The following FRRS1 variants were observed in gnomAD, a reference collection of about 807,000 sequenced individuals.
FRRS1 encodes ferric chelate reductase 1, also known as ferric reductase 1.
Under a neutral mutation model 70.7 loss-of-function variants are expected in FRRS1, and 51 were observed. The ratio of observed to expected loss-of-function variants is 0.72; its 90% CI spans 0.58 to 0.91. FRRS1 has a LOEUF of 0.91. Ranked by LOEUF, FRRS1 falls within the 40% of genes least tolerant of loss-of-function variation. FRRS1 has a pLI of 0.00. For missense variants in FRRS1, 672 were observed against 726.0 expected (o/e 0.93, Z 0.86); for synonymous variants, 225 against 238.7 (o/e 0.94, Z 0.53).
At chr1:99,762,783 A>G (rs894778978) in intron 1 of FRRS1, among the ~76,000 whole-genome samples, 8 of 152,320 alleles carry the variant, frequency 5.3e-5, no homozygotes, top group Non-Finnish European at 1.0e-4. Context: ...ATTGGATTCC[A>G]AACACTCTTT....
intron 8 of FRRS1, 55 bp from the exon 9 acceptor site, chr1:99,728,695 A>T: frequency 6.6e-7 from 1 of 1,520,900 alleles, no homozygotes; most frequent in Non-Finnish European, 9.1e-7. Context: ...TGCTAAAAAT[A>T]AGATATGATC....
chr1:99,759,759 C>T (rs1305007902), intron 1 of FRRS1, among the ~76,000 whole-genome samples: 1 of 152,124 alleles, frequency 6.6e-6, no homozygotes, highest in Non-Finnish European at 1.5e-5. Context: ...TCAGTGATGA[C>T]CCGGCAGTTA....
intron 9 of FRRS1, among the ~76,000 whole-genome samples, chr1:99,723,439 C>T (rs1654934381): frequency 6.6e-6 from 1 of 152,038 alleles, no homozygotes; most frequent in Non-Finnish European, 1.5e-5. Flanking sequence ...ATGGCTTGAG[C>T]CCAGGAGGTC....
Position 99,712,440 on chromosome 1 carries a change from T to C in FRRS1, c.1399A>G (p.Arg467Gly), listed in dbSNP as rs768745745. The C allele has an allele frequency of 5.6e-6, 9 of 1,612,594 alleles. No individual in the cohort carries two copies. The highest frequency in any genetic ancestry group is 7.6e-6 in the Non-Finnish European group (9 of 1,178,952). ...TACCTTGGGTCATGTAAAGGTGGCC[T>C]GAAGACTGCCAGAAGAGGCTGAAGA... Reference protein sequence around the residue: ...AVLQPLLAVFRPPLHDPRRQM... With the variant: ...AVLQPLLAVFGPPLHDPRRQM... Residue 467 changes from arginine to glycine, a missense_variant, in exon 13 of 17, where the codon AGG (arginine) becomes GGG (glycine). Arg to Gly is a moderately radical substitution (Grantham distance 125). Coordinates refer to ENST00000646001, the MANE Select transcript of FRRS1 (RefSeq NM_001361041.2).
At chr1:99,740,368 G>A (rs1655897193) in intron 6 of FRRS1, among the ~76,000 whole-genome samples, 1 of 152,146 alleles carries the variant, frequency 6.6e-6, no homozygotes, top group South Asian at 2.1e-4. Context: ...AGGTTGCAAT[G>A]AAGGCTTCCT....
intron 5 of FRRS1, among the ~76,000 whole-genome samples, chr1:99,741,267 T>C (rs61782990): frequency 0.062 from 9,378 of 152,314 alleles, 400 homozygotes; most frequent in Non-Finnish European, 0.089. Context: ...TACAAGTCAT[T>C]TCAGAGTGCA....
At chr1:99,726,907 G>A (rs1245646855) in intron 9 of FRRS1, among the ~76,000 whole-genome samples, 1 of 152,052 alleles carries the variant, frequency 6.6e-6, no homozygotes, top group Non-Finnish European at 1.5e-5. Context: ...TTTTTGAATA[G>A]AGACTTGGTT....
intron 5 of FRRS1, among the ~76,000 whole-genome samples, 164 bp from the exon 6 acceptor site, chr1:99,741,104 C>T (rs1390270139): frequency 1.3e-5 from 2 of 152,174 alleles, no homozygotes; most frequent in Admixed American, 6.5e-5. Context: ...CACTCTCTCC[C>T]ACCCGATCAC....
chr1:99,730,570 A>T (rs1342751251), intron 7 of FRRS1, among the ~76,000 whole-genome samples: 6 of 152,234 alleles, frequency 3.9e-5, no homozygotes, highest in East Asian at 1.9e-4. Flanking sequence ...AAAATTTTTT[A>T]AAAATCAGCC....
rs1428064035 is a variant in FRRS1 at position 99,719,648 on chromosome 1, C to T, written c.1007-1G>A. On this transcript the variant is annotated splice_acceptor_variant, in intron 9 of 16. Transcript: ENST00000646001. LOFTEE classifies it high-confidence loss of function. ...TGCTGAGAGTGCTTGTAAATTCGACCTGCAAATTAAAAACAAAATTAAACA... is the reference window on the plus strand; with the variant it reads ...TGCTGAGAGTGCTTGTAAATTCGACTTGCAAATTAAAAACAAAATTAAACA... 3 of 1,509,056 alleles carry T rather than the reference C, an allele frequency of 2.0e-6. No homozygotes were observed. Among genetic ancestry groups the T allele is most frequent in the Non-Finnish European group, 2.8e-6 (3 of 1,089,718 alleles). 93.5% of individuals were successfully genotyped at this position (1,509,056 alleles called of 1,614,324 possible). A position where few individuals can be genotyped will look rare whatever the true frequency, so the allele number is the denominator to read the frequency against.
intron 9 of FRRS1, 46 bp from the exon 10 acceptor site, chr1:99,719,693 C>T (rs1393487337): frequency 1.9e-6 from 2 of 1,037,208 alleles, no homozygotes; most frequent in African/African-American, 1.6e-5. Context: ...ATAATTACTT[C>T]CTCAAATAAA....
chr1:99,743,601 C>T (rs1383069271), intron 4 of FRRS1, among the ~76,000 whole-genome samples: 1 of 152,130 alleles, frequency 6.6e-6, no homozygotes, highest in Non-Finnish European at 1.5e-5. Flanking sequence ...AAACAGACCA[C>T]ACATGTGCCA....
intron 1 of FRRS1, among the ~76,000 whole-genome samples, chr1:99,753,177 C>T (rs1457393909): frequency 6.6e-6 from 1 of 150,612 alleles, no homozygotes; most frequent in Non-Finnish European, 1.5e-5. Context: ...CACACCACTG[C>T]ACTCCAGCCT....
chr1:99,707,820 A>G lies in FRRS1; in HGVS notation c.*1208T>C, dbSNP rs915439082. 6.6e-6 allele frequency among the ~76,000 whole-genome samples: 1 copy of G among 152,218 alleles called. No individual in the cohort carries two copies. The highest frequency in any genetic ancestry group is 1.5e-5 in the Non-Finnish European group (1 of 68,026). ...GAATTCTTGAAATAAGGAATATAACACTGACTATTCTGATTCAGTAGAACA... is the reference window on the plus strand; with the variant it reads ...GAATTCTTGAAATAAGGAATATAACGCTGACTATTCTGATTCAGTAGAACA... On this transcript the variant is annotated 3_prime_UTR_variant, in exon 17 of 17. Coordinates refer to ENST00000646001, the MANE Select transcript of FRRS1 (RefSeq NM_001361041.2).
At chr1:99,762,743 C>T (rs1040942103) in intron 1 of FRRS1, among the ~76,000 whole-genome samples, 2 of 152,176 alleles carry the variant, frequency 1.3e-5, no homozygotes, top group African/African-American at 4.8e-5. Context: ...CATTTCTCAT[C>T]AGCAGGATTT....
intron 1 of FRRS1, among the ~76,000 whole-genome samples, chr1:99,755,561 T>C (rs2100995950): frequency 6.6e-6 from 1 of 152,312 alleles, no homozygotes; most frequent in East Asian, 1.9e-4. Context: ...AATAGTTACT[T>C]CAGTTTAACA....
chr1:99,717,405 C>T lies in FRRS1; in HGVS notation c.1236+5G>A, dbSNP rs1320514592. The T allele has an allele frequency of 9.4e-6, 15 of 1,600,242 alleles. No homozygotes were observed. The highest frequency in any genetic ancestry group is 1.7e-5 in the Admixed American group (1 of 59,904). On this transcript the variant is annotated splice_donor_5th_base_variant and intron_variant, in intron 11 of 16. Coordinates refer to ENST00000646001, the MANE Select transcript of FRRS1 (RefSeq NM_001361041.2). Reference sequence around the variant, plus strand: ...TATTGCATTGAACTTTTTTCCCTCACCTACCTGAAACCAAGCTGCTTCACC... The same window carrying T: ...TATTGCATTGAACTTTTTTCCCTCATCTACCTGAAACCAAGCTGCTTCACC...
At chr1:99,730,029 G>A (rs111420564) in intron 7 of FRRS1, among the ~76,000 whole-genome samples, 75 of 152,100 alleles carry the variant, frequency 4.9e-4, no homozygotes, top group African/African-American at 1.8e-3. Flanking sequence ...ATCACTAATC[G>A]AACACCACTT....
intron 7 of FRRS1, 121 bp downstream of exon 7, chr1:99,737,965 A>G (rs1254671321): frequency 6.8e-6 from 5 of 740,556 alleles, no homozygotes; most frequent in Non-Finnish European, 8.8e-6. Context: ...CTGGTCTTGA[A>G]CTCCCGACCT....
Sources: allele counts gnomAD v4.1 joint callset (sites outside exome capture counted in the v4.1 genomes callset), GRCh38; gene constraint gnomAD v4.1.1; transcripts MANE v1.5; gene names NCBI Gene and HGNC (gene_info 2026-07-23, HGNC 2026-07-21).